Variants in BBS2 observed in about 807,000 individuals in gnomAD.
The protein encoded by BBS2 is Bardet-Biedl syndrome 2.
A neutral mutation model predicts 83.0 loss-of-function variants in BBS2; 62 were observed. The observed-to-expected ratio is 0.75, with a 90% CI of 0.61 to 0.92. The LOEUF is 0.92. Among genes scored for constraint, BBS2 ranks in the 40% least tolerant of loss-of-function variants. The pLI is 0.00. For missense variants in BBS2, 784 were observed against 901.0 expected, an observed-to-expected ratio of 0.87 and a Z score of 1.66; for synonymous variants, 303 against 326.1, an observed-to-expected ratio of 0.93 and a Z score of 0.76.
chr16:56,490,407 C>T (rs1188837893), intron 15 of BBS2, among the ~76,000 whole-genome samples: 1 of 152,008 alleles, frequency 6.6e-6, no homozygotes, highest in Non-Finnish European at 1.5e-5. Context: ...CCCGTAATCC[C>T]AGCACTTTGG....
At chr16:56,478,788 A>G (rs1234590732) in intron 17 of BBS2, 5 of 152,214 alleles carry the variant, frequency 3.3e-5, no homozygotes, top group African/African-American at 1.2e-4. Context: ...TATACACTAC[A>G]AAAAGGGACT....
intron 9 of BBS2, 51 bp from the exon 10 acceptor site, chr16:56,501,548 A>C: frequency 6.2e-7 from 1 of 1,612,370 alleles, no homozygotes; most frequent in Non-Finnish European, 8.5e-7. Flanking sequence ...CACTGAACTA[A>C]TATCAATTTT....
intron 12 of BBS2, chr16:56,499,477 T>C (rs894058182): frequency 8.1e-5 from 29 of 360,112 alleles, no homozygotes; most frequent in Admixed American, 2.0e-4. Context: ...TTGCTGCAGG[T>C]TCCTCTTGAA....
Position 56,485,664 on chromosome 16 carries a change from C to T in BBS2, c.1985G>A (p.Cys662Tyr). Reference protein sequence around the residue: ...RDLLNGYKIRCNNHTELLGNL... With the variant: ...RDLLNGYKIRYNNHTELLGNL... ...TCCCAACAGCTCTGTGTGATTGTTA[C>T]AGCGAATTTTATATCCATTTAGCAA... Residue 662 changes from cysteine to tyrosine, a missense_variant, in exon 16 of 17, where the codon TGT becomes TAT. Coordinates refer to ENST00000245157, the MANE Select transcript of BBS2 (RefSeq NM_031885.5). The T allele has an allele frequency of 6.2e-7, 1 of 1,614,064 alleles. No individual in the cohort carries two copies. The highest frequency in any genetic ancestry group is 1.1e-5 in the South Asian group (1 of 91,086).
chr16:56,484,797 C>T lies in BBS2; in HGVS notation c.2130G>A (p.Leu710=). ...CTGTCCCCACTCGCATGATTTTGAA[C>T]AGTGTGTTGATGTTATTGCTTCGAA... ...DAIRSNNINT[L]FKIMRVGTAS... The change falls in exon 17 of 17, where the codon CTG becomes CTA. Residue 710 remains leucine (L), a synonymous_variant. Coordinates refer to ENST00000245157, the MANE Select transcript of BBS2 (RefSeq NM_031885.5). 1 of 1,614,032 alleles carries T rather than the reference C, an allele frequency of 6.2e-7. No individual in the cohort carries two copies.
chr16:56,493,160 G>C (rs1218329774), intron 15 of BBS2, among the ~76,000 whole-genome samples: 2 of 152,052 alleles, frequency 1.3e-5, no homozygotes, highest in Non-Finnish European at 2.9e-5. Flanking sequence ...GCCAAGGTGG[G>C]AGGATCAGTA....
At chr16:56,500,067 GTAA>G in intron 11 of BBS2, 160 bp from the exon 12 acceptor site, 1 of 749,634 alleles carries the variant, frequency 1.3e-6, no homozygotes, top group South Asian at 1.6e-5. Context: ...AAGTACTACA[GTAA>G]TATATTAGGT....
chr16:56,499,934 G>T, intron 11 of BBS2, 27 bp from the exon 12 acceptor site: 3 of 1,613,114 alleles, frequency 1.9e-6, no homozygotes, highest in Non-Finnish European at 2.5e-6. Context: ...AAACACAAGA[G>T]AATTGTTTTG....
chr16:56,500,667 A>C, intron 11 of BBS2, 187 bp downstream of exon 11: 1 of 599,712 alleles, frequency 1.7e-6, no homozygotes, highest in Non-Finnish European at 2.9e-6. Context: ...CTTACATATC[A>C]GTTTTTCCAT....
rs1306411366 is a variant in BBS2, at chr16:56,498,545, G to A, written c.1551C>T (p.Asn517=). 2 of 1,613,970 alleles carry A rather than the reference G, an allele frequency of 1.2e-6. No individual in the cohort carries two copies. Among genetic ancestry groups the A allele is most frequent in the African/African-American group, 1.3e-5 (1 of 74,994 alleles). Residue 517 remains asparagine (N), a synonymous_variant, in exon 13 of 17, where the codon AAC becomes AAT. Transcript: ENST00000245157. ...AQRVVVWLGQ[N]FLLPEDTHIQ... ...TGTGAGTGTCTTCTGGTAACAGAAA[G>A]TTCTGACCGAGCCATACAACAACCT... is the stretch of plus-strand genomic sequence containing the variant.
At chr16:56,482,685 T>G (rs1426911996), downstream of BBS2, among the ~76,000 whole-genome samples, 1 of 152,130 alleles carries the variant, frequency 6.6e-6, no homozygotes, top group Non-Finnish European at 1.5e-5. Flanking sequence ...ATGCTCCACT[T>G]CCCCTAAACA....
chr16:56,515,272 CATAAAT>C (rs754756040), intron 1 of BBS2, among the ~76,000 whole-genome samples: 16 of 152,168 alleles, frequency 1.1e-4, no homozygotes, highest in Non-Finnish European at 2.2e-4. Context: ...TTTCAACTAT[CATAAAT>C]ATAATCTGAG....
At chr16:56,480,377 A>T (rs541799543), downstream of BBS2, among the ~76,000 whole-genome samples, 1 of 146,198 alleles carries the variant, frequency 6.8e-6, no homozygotes, top group East Asian at 2.0e-4. Context: ...AAAAAAAAAA[A>T]CAAAGCTTGG....
chr16:56,502,903 C>G (rs1484865994), intron 7 of BBS2, 95 bp from the exon 8 acceptor site: 1 of 1,451,868 alleles, frequency 6.9e-7, no homozygotes, highest in African/African-American at 1.4e-5. Flanking sequence ...GTCATTTAGT[C>G]TAGCAGTTTT....
At chr16:56,495,764 ATATG>A (rs1392634134) in intron 15 of BBS2, among the ~76,000 whole-genome samples, 53 of 92,320 alleles carry the variant, frequency 5.7e-4, no homozygotes, top group Middle Eastern at 4.4e-3. Flanking sequence ...ACGTGTGTAT[ATATG>A]TGTGTGTGTG....
chr16:56,497,725 T>A lies in BBS2; in HGVS notation c.1797+18A>T. On this transcript the variant is annotated intron_variant, in intron 14 of 16. Transcript: ENST00000245157. ...AGACTACCACATTCTCACAAATGCA[T>A]CTACCGCATTCCCTCACCTTAACTA... 1 of 1,612,802 alleles carries A rather than the reference T, an allele frequency of 6.2e-7. No individual in the cohort carries two copies. The highest frequency in any genetic ancestry group is 8.5e-7 in the Non-Finnish European group (1 of 1,179,434).
chr16:56,472,925 TTTTGGTTTGG>T lies in BBS2; in HGVS notation c.*1-2240_*1-2231del, dbSNP rs55711786. 9.9e-5 allele frequency among the ~76,000 whole-genome samples: 15 copies of T among 151,570 alleles called. No individual in the cohort carries two copies. In the South Asian group the frequency reaches 2.7e-3, roughly 28 times the overall value. The stretch of plus-strand genomic sequence containing the variant: ...CACCAAAGCAGTTTTGCTTTTTTTG[TTTTGGTTTGG>T]TTTGGTTTGGTTTGGAGACAGAGTC... On this transcript the variant is annotated intron_variant, in intron 17 of 17. Coordinates refer to the BBS2 transcript ENST00000682047.
At chr16:56,485,759 T>A (rs1218730548) in intron 15 of BBS2, 21 bp from the exon 16 acceptor site, 1 of 1,613,140 alleles carries the variant, frequency 6.2e-7, no homozygotes, top group Non-Finnish European at 8.5e-7. Context: ...CAGTAGAAAT[T>A]TGACATCATT....
chr16:56,476,072 C>A (rs1963459572), intron 17 of BBS2: 3 of 1,612,966 alleles, frequency 1.9e-6, no homozygotes, highest in African/African-American at 1.3e-5. Flanking sequence ...GAAAGCAATT[C>A]TTTGGCATTG....
Sources: allele counts gnomAD v4.1 joint callset (sites outside exome capture counted in the v4.1 genomes callset), GRCh38; gene constraint gnomAD v4.1.1; transcripts MANE v1.5; gene names NCBI Gene and HGNC (gene_info 2026-07-23, HGNC 2026-07-21).